The following HERPUD2 variants were observed in gnomAD, a reference collection of about 807,000 sequenced individuals.
The protein encoded by HERPUD2 is HERPUD family member 2.
Under a neutral mutation model 49.9 loss-of-function variants are expected in HERPUD2, and 13 were observed. That is an observed-to-expected ratio of 0.26 (90% CI 0.17 to 0.41). HERPUD2 has a LOEUF of 0.41. HERPUD2 is among the 10% of genes least tolerant of loss of function. The pLI is 1.00. For synonymous variants in HERPUD2, 172 were observed against 171.4 expected (o/e 1.00, Z -0.03); for missense variants, 449 against 492.2 (o/e 0.91, Z 0.83).
At chr7:35,688,142 G>C (rs1786104482) in intron 2 of HERPUD2, among the ~76,000 whole-genome samples, 2 of 152,164 alleles carry the variant, frequency 1.3e-5, no homozygotes, top group Non-Finnish European at 2.9e-5. Context: ...GCTTTAAAGA[G>C]CTGGGTCCCA....
At position 35,694,427 on chromosome 7, in the gene HERPUD2, TGA is replaced by T. The variant is rs1786269564; in HGVS notation, c.-99_-98del. ...GGCGCGACTGGGATGAGGACAGAAGTGAGTTCTTAGTATTCCGTGTCCAAGTC... is the reference window on the plus strand; with the variant it reads ...GGCGCGACTGGGATGAGGACAGAAGTGTTCTTAGTATTCCGTGTCCAAGTC... On this transcript the variant is annotated 5_prime_UTR_variant, in exon 2 of 9. Coordinates refer to ENST00000311350, the MANE Select transcript of HERPUD2 (RefSeq NM_022373.5). 1.6e-6 allele frequency: 2 copies of T among 1,260,904 alleles called. No individual in the cohort carries two copies. The highest frequency in any genetic ancestry group is 4.6e-5 in the East Asian group (2 of 43,092). The allele number at this position is 1,260,904 out of a possible 1,614,324, so 78.1% of individuals were successfully genotyped here.
chr7:35,633,509 ACTC>A lies in HERPUD2; in HGVS notation c.*178_*180del. 2.2e-6 allele frequency: 1 copy of A among 452,164 alleles called. No individual in the cohort carries two copies. The allele number at this position is 452,164 out of a possible 1,614,324, so 28.0% of individuals were successfully genotyped here. On this transcript the variant is annotated 3_prime_UTR_variant, in exon 9 of 9. Coordinates refer to ENST00000311350, the MANE Select transcript of HERPUD2 (RefSeq NM_022373.5). ...GGATCTTTAAAAAAAAAAAAAAAAAACTCAGATATTTAGTAGTCCATTCGTGCT... is the reference window on the plus strand; with the variant it reads ...GGATCTTTAAAAAAAAAAAAAAAAAAAGATATTTAGTAGTCCATTCGTGCT...
chr7:35,658,508 T>C (rs1299054698), intron 5 of HERPUD2, among the ~76,000 whole-genome samples: 9 of 152,334 alleles, frequency 5.9e-5, no homozygotes, highest in East Asian at 3.9e-4. Context: ...AGGTGATGGA[T>C]ACCGTAAATA....
At chr7:35,659,856 C>A (rs1785371743) in intron 5 of HERPUD2, among the ~76,000 whole-genome samples, 1 of 151,520 alleles carries the variant, frequency 6.6e-6, no homozygotes, top group African/African-American at 2.4e-5. Context: ...TTTTCCTGTT[C>A]TATTTCATCT....
In HERPUD2 at chr7:35,638,332, G is replaced by A; in HGVS notation, c.617+18C>T. ...TAACACACTGAGTAACTTAAAAAAT[G>A]AACTCAGATTAACTTACTACTGCAT... On this transcript the variant is annotated intron_variant, in intron 6 of 8. Transcript: ENST00000311350. 6.4e-7 allele frequency: 1 copy of A among 1,563,452 alleles called. No homozygotes were observed. Among genetic ancestry groups the A allele is most frequent in the Non-Finnish European group, 8.7e-7 (1 of 1,150,332 alleles).
chr7:35,678,247 AAAAAAC>A (rs1023535219), intron 2 of HERPUD2, among the ~76,000 whole-genome samples: 1 of 152,078 alleles, frequency 6.6e-6, no homozygotes, highest in African/African-American at 2.4e-5. Flanking sequence ...ATTAAAAAAA[AAAAAAC>A]AAAGTTCCAA....
At chr7:35,634,499 A>C (rs1784839077) in intron 7 of HERPUD2, 70 bp from the exon 8 acceptor site, 3 of 889,136 alleles carry the variant, frequency 3.4e-6, no homozygotes, top group Non-Finnish European at 5.5e-6. Flanking sequence ...ATAAAATGTT[A>C]TTAGTGTCCT....
At chr7:35,641,793 C>T (rs2115843267) in intron 5 of HERPUD2, among the ~76,000 whole-genome samples, 2 of 152,310 alleles carry the variant, frequency 1.3e-5, no homozygotes, top group East Asian at 3.9e-4. Flanking sequence ...ACCTTCCTTA[C>T]ATCACAGACA....
intron 2 of HERPUD2, among the ~76,000 whole-genome samples, chr7:35,684,928 T>C (rs982997345): frequency 6.6e-6 from 1 of 152,168 alleles, no homozygotes; most frequent in African/African-American, 2.4e-5. Context: ...AAGTATTCTA[T>C]ATTTTTACAG....
intron 6 of HERPUD2, among the ~76,000 whole-genome samples, chr7:35,638,005 A>C (rs1784898706): frequency 6.6e-6 from 1 of 152,260 alleles, no homozygotes; most frequent in Non-Finnish European, 1.5e-5. Context: ...CTTGAGCCCT[A>C]CATAAGCTAT....
At chr7:35,680,508 T>C (rs925910747) in intron 2 of HERPUD2, among the ~76,000 whole-genome samples, 2 of 152,178 alleles carry the variant, frequency 1.3e-5, no homozygotes, top group African/African-American at 4.8e-5. Flanking sequence ...TTAATTCAAA[T>C]TCCTTTCCAT....
At chr7:35,651,690 G>A (rs779623020) in intron 5 of HERPUD2, among the ~76,000 whole-genome samples, 4 of 151,634 alleles carry the variant, frequency 2.6e-5, no homozygotes, top group Non-Finnish European at 5.9e-5. Flanking sequence ...AAGGAAATAT[G>A]ACACTTCCAA....
chr7:35,680,030 G>A (rs376674154), intron 2 of HERPUD2, among the ~76,000 whole-genome samples: 1 of 151,986 alleles, frequency 6.6e-6, no homozygotes, highest in East Asian at 1.9e-4. Flanking sequence ...CTAAACCATC[G>A]TCTCCTGCCT....
chr7:35,660,794 G>C (rs1163902888), intron 5 of HERPUD2, among the ~76,000 whole-genome samples: 1 of 152,076 alleles, frequency 6.6e-6, no homozygotes, highest in African/African-American at 2.4e-5. Flanking sequence ...TGTCAGATGG[G>C]TATATTATAA....
chr7:35,654,264 A>G (rs1338417434), intron 5 of HERPUD2, among the ~76,000 whole-genome samples: 1 of 152,006 alleles, frequency 6.6e-6, no homozygotes, highest in East Asian at 1.9e-4. Flanking sequence ...AACAAAATAA[A>G]AACTTGGCTT....
chr7:35,661,908 T>G (rs904063292), intron 5 of HERPUD2, among the ~76,000 whole-genome samples: 4 of 152,196 alleles, frequency 2.6e-5, no homozygotes, highest in Admixed American at 2.6e-4. Context: ...CTTCCAACAC[T>G]ACGTTGAAAA....
intron 2 of HERPUD2, among the ~76,000 whole-genome samples, chr7:35,692,820 T>TA (rs1786221595): frequency 6.6e-6 from 1 of 152,238 alleles, no homozygotes; most frequent in South Asian, 2.1e-4. Flanking sequence ...GAAATGCTCA[T>TA]AATTCATTAA....
In HERPUD2 at chr7:35,671,725, G is replaced by A. The variant is rs1785648477; in HGVS notation, c.226-1397C>T. ...AAAACATAAATGTATTACTCAAAAT[G>A]TTTTATATAGGGGCACAAGAGTTCT... is the stretch of plus-strand genomic sequence containing the variant. On this transcript the variant is annotated intron_variant, in intron 3 of 8. Coordinates refer to ENST00000311350, the MANE Select transcript of HERPUD2 (RefSeq NM_022373.5). Among the ~76,000 whole-genome samples, 2 of 151,938 alleles carry A rather than the reference G, an allele frequency of 1.3e-5. 1 individual carries two copies. Among genetic ancestry groups the A allele is most frequent in the East Asian group, 3.9e-4 (2 of 5,192 alleles).
At chr7:35,685,823 A>G (rs1456783795) in intron 2 of HERPUD2, among the ~76,000 whole-genome samples, 1 of 151,986 alleles carries the variant, frequency 6.6e-6, no homozygotes, top group African/African-American at 2.4e-5. Context: ...TACTAAAAAT[A>G]CGTGGCAGCA....
Sources: allele counts gnomAD v4.1 joint callset (sites outside exome capture counted in the v4.1 genomes callset), GRCh38; gene constraint gnomAD v4.1.1; transcripts MANE v1.5; gene names NCBI Gene and HGNC (gene_info 2026-07-23, HGNC 2026-07-21).